The following MACROD2 variants were observed in gnomAD, a reference collection of about 807,000 sequenced individuals.
The protein encoded by MACROD2 is mono-ADP ribosylhydrolase 2.
MACROD2 carries 36 observed loss-of-function variants against 70.4 expected under a neutral mutation model. That is an observed-to-expected ratio of 0.51 (90% CI 0.39 to 0.68). MACROD2 has a LOEUF of 0.68. MACROD2 is among the 30% of genes least tolerant of loss of function. The probability of loss-of-function intolerance (pLI) is 0.00; values close to 1 mark genes in which losing one functional copy is unlikely to be tolerated. For missense variants in MACROD2, 496 were observed against 538.4 expected, an observed-to-expected ratio of 0.92 and a Z score of 0.78; for synonymous variants, 172 against 178.8, an observed-to-expected ratio of 0.96 and a Z score of 0.30.
intron 5 of MACROD2, among the ~76,000 whole-genome samples, chr20:14,800,360 C>T (rs766727341): frequency 6.6e-6 from 1 of 151,926 alleles, no homozygotes; most frequent in Non-Finnish European, 1.5e-5. Flanking sequence ...AAATCCTTGT[C>T]CCAAAGAAAT....
At chr20:14,268,559 TA>T (rs1258092289) in intron 3 of MACROD2, among the ~76,000 whole-genome samples, 1 of 152,118 alleles carries the variant, frequency 6.6e-6, no homozygotes, top group African/African-American at 2.4e-5. Context: ...AAAATTTCCA[TA>T]GATGATGGTA....
In MACROD2 at chr20:15,695,954, G is replaced by C. The variant is rs559528537; in HGVS notation, c.646-166791G>C. Among the ~76,000 whole-genome samples the C allele has an allele frequency of 1.1e-4, 17 of 152,272 alleles. No individual in the cohort carries two copies. The East Asian group carries it at 2.1e-3, about 19-fold the overall frequency. Reference sequence around the variant, plus strand: ...TAGGAGCTTTCTGGAGGAGTCCTTAGGGTTTTCAAGGTAAACAATCTTATC... The same window carrying C: ...TAGGAGCTTTCTGGAGGAGTCCTTACGGTTTTCAAGGTAAACAATCTTATC... On this transcript the variant is annotated intron_variant, in intron 8 of 17. Coordinates refer to ENST00000684519, the MANE Select transcript of MACROD2 (RefSeq NM_001351661.2).
At chr20:14,650,251 C>T (rs1249651279) in intron 4 of MACROD2, among the ~76,000 whole-genome samples, 1 of 152,164 alleles carries the variant, frequency 6.6e-6, no homozygotes, top group Non-Finnish European at 1.5e-5. Flanking sequence ...ACTAAGGAGT[C>T]TCAGGTGTTG....
intron 5 of MACROD2, among the ~76,000 whole-genome samples, chr20:15,114,851 C>A (rs1438232803): frequency 6.6e-6 from 1 of 152,028 alleles, no homozygotes; most frequent in Non-Finnish European, 1.5e-5. Context: ...CCCTGGTTTC[C>A]CCCAGTGAGG....
chr20:14,320,320 C>T lies in MACROD2; in HGVS notation c.272-173159C>T, dbSNP rs529974731. On this transcript the variant is annotated intron_variant, in intron 3 of 17. Coordinates refer to ENST00000684519, the MANE Select transcript of MACROD2 (RefSeq NM_001351661.2). ...TTTTGACCCCATTCCACTGGCAGTG[C>T]GCTGTTCAGGCCCTTATTTCCCCTT... Among the ~76,000 whole-genome samples the T allele has an allele frequency of 4.0e-3, 613 of 152,228 alleles. 5 individuals carry two copies. Among genetic ancestry groups the T allele is most frequent in the Non-Finnish European group, 7.0e-3 (475 of 68,024 alleles).
chr20:15,458,639 TAAAA>T (rs71340228), intron 7 of MACROD2, among the ~76,000 whole-genome samples: 30 of 116,972 alleles, frequency 2.6e-4, no homozygotes, highest in Non-Finnish European at 5.0e-4. Flanking sequence ...TTTTTTTTTT[TAAAA>T]AAAAAAAAGA....
At chr20:16,020,445 A>G (rs2066986095) in intron 15 of MACROD2, among the ~76,000 whole-genome samples, 1 of 151,874 alleles carries the variant, frequency 6.6e-6, no homozygotes. Context: ...CTACTAATTC[A>G]GAATAATCCT....
chr20:14,371,347 TGTG>T (rs1238123128), intron 3 of MACROD2, among the ~76,000 whole-genome samples: 1 of 151,832 alleles, frequency 6.6e-6, no homozygotes, highest in African/African-American at 2.4e-5. Context: ...ATTAGCAGGA[TGTG>T]GTGGTGTGTG....
At chr20:14,697,318 C>T (rs1005729619) in intron 5 of MACROD2, among the ~76,000 whole-genome samples, 4 of 152,116 alleles carry the variant, frequency 2.6e-5, no homozygotes, top group Non-Finnish European at 5.9e-5. Flanking sequence ...ATTGAGAAAC[C>T]CCACATCAAA....
chr20:15,785,044 C>T (rs547764828), intron 8 of MACROD2, among the ~76,000 whole-genome samples: 1,876 of 149,194 alleles, frequency 0.013, 43 homozygotes, highest in African/African-American at 0.044. Context: ...CCCAGCTACT[C>T]GGGAGGCTGA....
chr20:15,621,253 A>T (rs1036799876), intron 8 of MACROD2, among the ~76,000 whole-genome samples: 1 of 152,116 alleles, frequency 6.6e-6, no homozygotes, highest in South Asian at 2.1e-4. Flanking sequence ...CTCTATTTCA[A>T]ATTATTTCTT....
At chr20:15,133,323 TA>T (rs1426366558) in intron 5 of MACROD2, among the ~76,000 whole-genome samples, 2 of 152,098 alleles carry the variant, frequency 1.3e-5, no homozygotes, top group Non-Finnish European at 2.9e-5. Flanking sequence ...TCTTAATTTT[TA>T]AATCTCATAG....
chr20:14,569,071 G>A (rs551734722), intron 4 of MACROD2, among the ~76,000 whole-genome samples: 2 of 152,108 alleles, frequency 1.3e-5, no homozygotes, highest in East Asian at 1.9e-4. Context: ...AAACAAAAAT[G>A]AAATTCTCAC....
chr20:15,179,402 C>A (rs115514309), intron 5 of MACROD2, among the ~76,000 whole-genome samples: 1,783 of 152,232 alleles, frequency 0.012, 30 homozygotes, highest in African/African-American at 0.04. Flanking sequence ...CAAAGCCCCC[C>A]ACTCCTCCCA....
chr20:14,768,141 T>C (rs568704814), intron 5 of MACROD2, among the ~76,000 whole-genome samples: 5 of 152,224 alleles, frequency 3.3e-5, no homozygotes, highest in African/African-American at 1.2e-4. Flanking sequence ...TATAATCCTT[T>C]GTGTATATAC....
At chr20:14,837,793 TTTA>T (rs2122259861) in intron 5 of MACROD2, among the ~76,000 whole-genome samples, 8 of 152,014 alleles carry the variant, frequency 5.3e-5, no homozygotes, top group Admixed American at 3.3e-4. Flanking sequence ...AACCAGGAAA[TTTA>T]ATTTGATTAG....
chr20:14,053,249 G>T (rs1211706147), intron 2 of MACROD2: 3 of 152,104 alleles, frequency 2.0e-5, no homozygotes, highest in Non-Finnish European at 4.4e-5. Context: ...GACAAAAAGG[G>T]TGATAGAAAT....
rs189456038 is a variant in MACROD2, at chr20:14,616,631, G to A, written c.302-68212G>A. Among the ~76,000 whole-genome samples the A allele has an allele frequency of 1.9e-4, 29 of 152,168 alleles. No individual in the cohort carries two copies. The East Asian group carries it at 5.4e-3, about 28-fold the overall frequency. Reference sequence around the variant, plus strand: ...TGCGGCTTCTTAACCTTGGAAGGAGGTCCTGGAATGATATAAATACTGCCT... The same window carrying A: ...TGCGGCTTCTTAACCTTGGAAGGAGATCCTGGAATGATATAAATACTGCCT... On this transcript the variant is annotated intron_variant, in intron 4 of 17. Coordinates refer to ENST00000684519, the MANE Select transcript of MACROD2 (RefSeq NM_001351661.2).
intron 4 of MACROD2, among the ~76,000 whole-genome samples, chr20:14,519,982 A>T (rs1245759386): frequency 2.6e-5 from 4 of 152,154 alleles, no homozygotes; most frequent in Non-Finnish European, 5.9e-5. Flanking sequence ...CGAATACCAC[A>T]TGTTTTCACC....
Sources: gnomAD v4.1 joint callset for allele counts (sites outside exome capture counted in the v4.1 genomes callset) on GRCh38, gnomAD v4.1.1 for gene constraint, MANE v1.5 for transcripts, NCBI Gene and HGNC (gene_info 2026-07-23, HGNC 2026-07-21) for gene names.